Variants in ZSWIM6 observed in about 807,000 individuals in gnomAD.
ZSWIM6 encodes zinc finger SWIM-type containing 6.
In ZSWIM6, 9 loss-of-function variants were observed where a neutral mutation model predicts 113.2. That is an observed-to-expected ratio of 0.08 (90% CI 0.05 to 0.14). ZSWIM6 has a LOEUF of 0.14. Ranked by LOEUF, ZSWIM6 falls within the 10% of genes least tolerant of loss-of-function variation. The pLI is 1.00. For missense variants in ZSWIM6, 1,162 were observed against 1,552.2 expected, an observed-to-expected ratio of 0.75 and a Z score of 4.22; for synonymous variants, 611 against 606.5, an observed-to-expected ratio of 1.01 and a Z score of -0.11.
At chr5:61,421,400 T>G (rs1405604597) in intron 1 of ZSWIM6, among the ~76,000 whole-genome samples, 1 of 152,228 alleles carries the variant, frequency 6.6e-6, no homozygotes, top group East Asian at 1.9e-4. Context: ...CTTAACATAA[T>G]GACCTCCAGT....
intron 4 of ZSWIM6, among the ~76,000 whole-genome samples, chr5:61,502,974 G>C (rs1748514410): frequency 6.6e-6 from 1 of 152,128 alleles, no homozygotes; most frequent in Admixed American, 6.6e-5. Context: ...TGCCAAAAAG[G>C]TTGGGGACTG....
intron 4 of ZSWIM6, among the ~76,000 whole-genome samples, chr5:61,511,443 A>G (rs1748784872): frequency 6.6e-6 from 1 of 152,054 alleles, no homozygotes; most frequent in Non-Finnish European, 1.5e-5. Context: ...TCTTATCGCT[A>G]TGGTCTGAAT....
intron 1 of ZSWIM6, among the ~76,000 whole-genome samples, chr5:61,397,855 T>C (rs1394235510): frequency 6.6e-6 from 1 of 152,206 alleles, no homozygotes; most frequent in East Asian, 1.9e-4. Flanking sequence ...AAAAGGAGTT[T>C]GGTCGCAGTG....
chr5:61,519,701 T>C (rs1374791474), intron 4 of ZSWIM6, among the ~76,000 whole-genome samples: 1 of 152,176 alleles, frequency 6.6e-6, no homozygotes, highest in Non-Finnish European at 1.5e-5. Flanking sequence ...GTGGCCCTTT[T>C]TGTTTTCTGT....
At chr5:61,527,046 A>G (rs192661102) in intron 7 of ZSWIM6, among the ~76,000 whole-genome samples, 13 of 152,352 alleles carry the variant, frequency 8.5e-5, no homozygotes, top group Admixed American at 7.2e-4. Context: ...TCTGTAAATG[A>G]CATTTGATGA....
At chr5:61,420,353 C>T (rs1579987422) in intron 1 of ZSWIM6, among the ~76,000 whole-genome samples, 1 of 152,170 alleles carries the variant, frequency 6.6e-6, no homozygotes, top group East Asian at 1.9e-4. Flanking sequence ...AAAGTTTTAA[C>T]AATATTGTAG....
intron 1 of ZSWIM6, among the ~76,000 whole-genome samples, chr5:61,457,994 ATCTCT>A (rs1747240973): frequency 6.6e-6 from 1 of 152,188 alleles, no homozygotes; most frequent in African/African-American, 2.4e-5. Flanking sequence ...GCCATTAAAA[ATCTCT>A]TCTAGAATTA....
At chr5:61,390,808 G>A (rs1292731749) in intron 1 of ZSWIM6, 10 of 794,780 alleles carry the variant, frequency 1.3e-5, no homozygotes, top group African/African-American at 6.7e-5. Context: ...TCCAGAGGCC[G>A]CCGTTTGGTT....
chr5:61,373,352 A>G (rs2112070249), intron 1 of ZSWIM6, among the ~76,000 whole-genome samples: 1 of 140,354 alleles, frequency 7.1e-6, no homozygotes, highest in East Asian at 2.0e-4. Context: ...GACTACTAAA[A>G]TTTCTTCTAC....
At chr5:61,517,837 C>T (rs1046699822) in intron 4 of ZSWIM6, among the ~76,000 whole-genome samples, 1 of 150,942 alleles carries the variant, frequency 6.6e-6, no homozygotes, top group Non-Finnish European at 1.5e-5. Flanking sequence ...GGTACATGTG[C>T]ACAATGTACA....
chr5:61,406,643 TAAGTCTTTAAAGG>T (rs1296626308), intron 1 of ZSWIM6, among the ~76,000 whole-genome samples: 2 of 152,066 alleles, frequency 1.3e-5, no homozygotes, highest in Non-Finnish European at 2.9e-5. Flanking sequence ...TCAAAAAGCC[TAAGTCTTTAAAGG>T]TGGCATATGA....
chr5:61,472,381 C>T lies in ZSWIM6; in HGVS notation c.677-300C>T, dbSNP rs1347320708. ...ATTCAGAGCAGAGTAATGATGGCCT[C>T]TTAGTGCGTGATCTAACCACTTCCT... On this transcript the variant is annotated intron_variant, in intron 1 of 13. Transcript: ENST00000252744. The surrounding 1 kb of genome is among the most constrained non-coding windows in gnomAD (Gnocchi z 4.1). Among the ~76,000 whole-genome samples the T allele has an allele frequency of 6.6e-6, 1 of 152,166 alleles. No individual in the cohort carries two copies. Among genetic ancestry groups the T allele is most frequent in the Non-Finnish European group, 1.5e-5 (1 of 68,038 alleles).
At chr5:61,486,172 A>G (rs538626195) in intron 2 of ZSWIM6, among the ~76,000 whole-genome samples, 2 of 152,246 alleles carry the variant, frequency 1.3e-5, no homozygotes, top group African/African-American at 4.8e-5. Context: ...GCCCTTCTGT[A>G]CATAAGCTGC....
intron 1 of ZSWIM6, among the ~76,000 whole-genome samples, chr5:61,352,920 T>C (rs1022806973): frequency 7.9e-5 from 12 of 152,190 alleles, no homozygotes; most frequent in African/African-American, 2.9e-4. Context: ...GTCAGTTCTC[T>C]TGGATGAGCA....
intron 1 of ZSWIM6, among the ~76,000 whole-genome samples, chr5:61,352,945 TG>T (rs1245972562): frequency 6.6e-6 from 1 of 152,186 alleles, no homozygotes; most frequent in Non-Finnish European, 1.5e-5. Flanking sequence ...TGTTTGGTCA[TG>T]GGGGCAAGGC....
chr5:61,536,939 G>A (rs1020983203), intron 10 of ZSWIM6, among the ~76,000 whole-genome samples: 6 of 152,270 alleles, frequency 3.9e-5, no homozygotes, highest in African/African-American at 1.2e-4. Context: ...TTTAGAGCAC[G>A]ATTTTAAAAT....
At chr5:61,379,927 T>C (rs1264364778) in intron 1 of ZSWIM6, among the ~76,000 whole-genome samples, 2 of 152,168 alleles carry the variant, frequency 1.3e-5, no homozygotes, top group Admixed American at 1.3e-4. Context: ...CTATTAGCAA[T>C]GTAAATGCCA....
At chr5:61,387,987 T>C (rs1745624669) in intron 1 of ZSWIM6, among the ~76,000 whole-genome samples, 1 of 121,068 alleles carries the variant, frequency 8.3e-6, no homozygotes, top group Admixed American at 7.9e-5. Flanking sequence ...TCTCTCTCTC[T>C]TTTTTTTTTT....
chr5:61,453,899 C>T (rs754323297), intron 1 of ZSWIM6, among the ~76,000 whole-genome samples: 3 of 151,934 alleles, frequency 2.0e-5, no homozygotes, highest in Admixed American at 6.6e-5. Flanking sequence ...TGCAGATATT[C>T]TGTTTTTCTT....
Sources: gnomAD v4.1 joint callset for allele counts (sites outside exome capture counted in the v4.1 genomes callset) on GRCh38, gnomAD v4.1.1 for gene constraint, Gnocchi (gnomAD v3.1) non-coding constraint, MANE v1.5 for transcripts, NCBI Gene and HGNC (gene_info 2026-07-23, HGNC 2026-07-21) for gene names.